The following TFEB variants were observed in gnomAD, a reference collection of about 807,000 sequenced individuals.
TFEB encodes the protein transcription factor EB.
Under a neutral mutation model 48.0 loss-of-function variants are expected in TFEB, and 12 were observed. The observed-to-expected ratio is 0.25, with a 90% CI of 0.16 to 0.40. The LOEUF is 0.40. Among genes scored for constraint, TFEB ranks in the 10% least tolerant of loss-of-function variants. The probability of loss-of-function intolerance (pLI) is 1.00; values close to 1 mark genes in which losing one functional copy is unlikely to be tolerated. For missense variants in TFEB, 509 were observed against 640.3 expected, an observed-to-expected ratio of 0.79 and a Z score of 2.21; for synonymous variants, 244 against 261.4, an observed-to-expected ratio of 0.93 and a Z score of 0.64.
chr6:41,731,795 TG>T (rs2127278905), intron 1 of TFEB, among the ~76,000 whole-genome samples: 1 of 152,328 alleles, frequency 6.6e-6, no homozygotes, highest in East Asian at 1.9e-4. Context: ...GTGGAATGCA[TG>T]GCACAAAGCC....
chr6:41,686,070 G>C lies in TFEB; in HGVS notation c.951+20C>G, dbSNP rs1156552964. 6.2e-7 allele frequency: 1 copy of C among 1,614,064 alleles called. No homozygotes were observed. Among genetic ancestry groups the C allele is most frequent in the Non-Finnish European group, 8.5e-7 (1 of 1,179,994 alleles). ...GTTAAGGGTCAGAGTTACCAAAGAA[G>C]TCCAAGTTCAGGACCAGACCTGGAT... On this transcript the variant is annotated intron_variant, in intron 8 of 8. Coordinates refer to ENST00000373033, the MANE Select transcript of TFEB (RefSeq NM_001271944.2).
intron 1 of TFEB, among the ~76,000 whole-genome samples, chr6:41,721,355 T>C (rs1770971861): frequency 6.8e-6 from 1 of 146,710 alleles, no homozygotes; most frequent in Non-Finnish European, 1.5e-5. Context: ...TATACTTTAT[T>C]TGACACTAGG....
chr6:41,712,039 G>T (rs193110747), intron 1 of TFEB, among the ~76,000 whole-genome samples: 35 of 152,288 alleles, frequency 2.3e-4, no homozygotes, highest in Admixed American at 1.3e-3. Context: ...CCAGTCCCCA[G>T]CCCCGGCCAT....
At chr6:41,716,461 G>C (rs1279595542) in intron 1 of TFEB, among the ~76,000 whole-genome samples, 1 of 152,172 alleles carries the variant, frequency 6.6e-6, no homozygotes, top group Non-Finnish European at 1.5e-5. Context: ...TCCAGCTGTG[G>C]TAACACCATC....
intron 1 of TFEB, among the ~76,000 whole-genome samples, chr6:41,703,349 C>A (rs183496265): frequency 1.3e-5 from 2 of 152,252 alleles, no homozygotes; most frequent in East Asian, 3.9e-4. Context: ...CTCTCAGGGT[C>A]CCAGTGCCTA....
At chr6:41,726,822 AAAAG>A (rs1554137656) in intron 1 of TFEB, among the ~76,000 whole-genome samples, 2 of 152,226 alleles carry the variant, frequency 1.3e-5, no homozygotes, top group Non-Finnish European at 2.9e-5. Flanking sequence ...TCACAATTTT[AAAAG>A]AAAGAAAAGA....
intron 1 of TFEB, among the ~76,000 whole-genome samples, chr6:41,709,792 T>C (rs532901107): frequency 2.0e-5 from 3 of 152,320 alleles, no homozygotes; most frequent in African/African-American, 7.2e-5. Context: ...ATTTATTTTT[T>C]ATTTTTATTT....
chr6:41,725,982 G>A (rs1771190191), intron 1 of TFEB, among the ~76,000 whole-genome samples: 1 of 152,228 alleles, frequency 6.6e-6, no homozygotes, highest in Admixed American at 6.5e-5. Flanking sequence ...GGCGGCTCAC[G>A]CCTGCAATCC....
chr6:41,728,607 G>A (rs1370683383), intron 1 of TFEB, among the ~76,000 whole-genome samples: 1 of 152,148 alleles, frequency 6.6e-6, no homozygotes, highest in Non-Finnish European at 1.5e-5. Flanking sequence ...CAAAGGACAG[G>A]CTGTGACTTC....
rs761309591 is a variant in TFEB, at chr6:41,691,318, C to T, written c.-22-83G>A. The T allele has an allele frequency of 2.7e-5, 36 of 1,353,092 alleles. No individual in the cohort carries two copies. The highest frequency in any genetic ancestry group is 1.8e-4 in the Middle Eastern group (1 of 5,632). The allele number at this position is 1,353,092 out of a possible 1,614,324, so 83.8% of individuals were successfully genotyped here. On this transcript the variant is annotated intron_variant, in intron 1 of 8. Coordinates refer to ENST00000373033, the MANE Select transcript of TFEB (RefSeq NM_001271944.2). The surrounding 1 kb of genome is among the most constrained non-coding windows in gnomAD (Gnocchi z 5.2). ...GGCTGGCAGGGGGAGGCCAGAATGA[C>T]TGGGACCGCATCCATTTTAGAGGAG...
intron 1 of TFEB, among the ~76,000 whole-genome samples, chr6:41,692,050 AG>A (rs1259330911): frequency 6.6e-6 from 1 of 152,148 alleles, no homozygotes; most frequent in African/African-American, 2.4e-5. Context: ...GTTACCTTAC[AG>A]AGACCTTCTA....
In TFEB at chr6:41,684,828, C is replaced by T. The variant is rs61756225; in HGVS notation, c.1202G>A (p.Ser401Asn). 2.2e-4 allele frequency: 350 copies of T among 1,590,334 alleles called. 1 individual carries two copies. The highest frequency in any genetic ancestry group is 3.4e-4 in the Middle Eastern group (2 of 5,942). The change falls in exon 9 of 9, where the codon AGC becomes AAC. Residue 401 changes from serine to asparagine, a missense_variant. Transcript: ENST00000373033. ...ACCCTCGTCCTCCCTGCCCCCAAAG[C>T]TCAGGCTGTGGCTGAAGTCCAGGTG... The part of the protein sequence containing the change: ...FHHLDFSHSL[S>N]FGGREDEGPP...
chr6:41,695,469 T>C (rs1356634812), intron 1 of TFEB, among the ~76,000 whole-genome samples: 1 of 152,268 alleles, frequency 6.6e-6, no homozygotes, highest in Non-Finnish European at 1.5e-5. Flanking sequence ...CTGTTTTTTC[T>C]TCCCAACAAC....
intron 1 of TFEB, among the ~76,000 whole-genome samples, chr6:41,700,256 A>G (rs550928273): frequency 7.6e-4 from 116 of 152,230 alleles, no homozygotes; most frequent in African/African-American, 2.5e-3. Flanking sequence ...CACAAGGTCA[A>G]GAGATGGAGA....
At chr6:41,686,920 GCTTTCCTGATT>G (rs1769040500) in intron 7 of TFEB, 163 bp downstream of exon 7, 2 of 655,710 alleles carry the variant, frequency 3.1e-6, no homozygotes, top group South Asian at 1.8e-5. Flanking sequence ...TCTGTCTTGA[GCTTTCCTGATT>G]CTTTCCTGAT....
At chr6:41,710,338 A>T (rs1770423118) in intron 1 of TFEB, among the ~76,000 whole-genome samples, 1 of 152,014 alleles carries the variant, frequency 6.6e-6, no homozygotes, top group Non-Finnish European at 1.5e-5. Context: ...ACTCCACCCA[A>T]CTCCTATTCC....
intron 1 of TFEB, among the ~76,000 whole-genome samples, chr6:41,694,919 C>T (rs933034279): frequency 6.6e-6 from 1 of 152,078 alleles, no homozygotes; most frequent in Non-Finnish European, 1.5e-5. Context: ...CCCAGAGAAT[C>T]CCTGCCTCTC....
chr6:41,712,331 G>C (rs567290043), intron 1 of TFEB, among the ~76,000 whole-genome samples: 137 of 152,304 alleles, frequency 9.0e-4, no homozygotes, highest in African/African-American at 3.2e-3. Flanking sequence ...GCTCCCCAAA[G>C]TGGGGCTGTG....
intron 1 of TFEB, among the ~76,000 whole-genome samples, chr6:41,719,269 C>T (rs1253943301): frequency 6.6e-6 from 1 of 152,108 alleles, no homozygotes; most frequent in Non-Finnish European, 1.5e-5. Flanking sequence ...ACCAATTGTA[C>T]ATTATGGTGA....
Sources: gnomAD v4.1 joint callset for allele counts (sites outside exome capture counted in the v4.1 genomes callset) on GRCh38, gnomAD v4.1.1 for gene constraint, Gnocchi (gnomAD v3.1) non-coding constraint, MANE v1.5 for transcripts, NCBI Gene and HGNC (gene_info 2026-07-23, HGNC 2026-07-21) for gene names.